IGSF10: variants seen among roughly 807,000 people sequenced by gnomAD.
IGSF10 encodes the protein calvaria mechanical force protein 608.
A neutral mutation model predicts 128.2 loss-of-function variants in IGSF10; 126 were observed. The observed-to-expected ratio is 0.98, with a 90% CI of 0.85 to 1.14. The LOEUF (loss-of-function observed/expected upper bound fraction) is 1.14, where lower values mean the gene tolerates loss of function less well. Among genes scored for constraint, IGSF10 ranks in the 50% most tolerant of loss-of-function variants. The pLI is 0.00. For missense variants in IGSF10, 3,295 were observed against 3,149.8 expected, an observed-to-expected ratio of 1.05 and a Z score of -1.10; for synonymous variants, 1,185 against 1,146.2, an observed-to-expected ratio of 1.03 and a Z score of -0.68.
chr3:151,447,409 CTG>C lies in IGSF10; in HGVS notation c.2570_2571del (p.Thr857ArgfsTer9), dbSNP rs1236111019. 6.2e-7 allele frequency: 1 copy of C among 1,613,964 alleles called. No individual in the cohort carries two copies. Among genetic ancestry groups the C allele is most frequent in the Non-Finnish European group, 8.5e-7 (1 of 1,179,990 alleles). ...TTAATAGCAGTAGACAGTTTGAAATCTGTGGGTTCTTCAGGTGGTAGTATTTG... is the reference window on the plus strand; with the variant it reads ...TTAATAGCAGTAGACAGTTTGAAATCTGGGTTCTTCAGGTGGTAGTATTTG... ...NSQILPPEEPTDFKLSTAIKT... is the reference protein window; with the variant it reads ...NSQILPPEEPXDFKLSTAIKT... On this transcript the variant is annotated frameshift_variant, in exon 6 of 8. Transcript: ENST00000282466. LOFTEE classifies it high-confidence loss of function.
the IGSF10 span, among the ~76,000 whole-genome samples, chr3:151,534,078 A>G: frequency 6.6e-6 from 1 of 152,264 alleles, no homozygotes; most frequent in African/African-American, 2.4e-5. Flanking sequence ...ACTGGTCATT[A>G]GAGAAATGCA....
In IGSF10 at chr3:151,437,291, C is replaced by T. The variant is rs750226083; in HGVS notation, c.7270G>A (p.Val2424Ile). 5 of 1,614,154 alleles carry T rather than the reference C, an allele frequency of 3.1e-6. No individual in the cohort carries two copies. The highest frequency in any genetic ancestry group is 2.2e-5 in the South Asian group (2 of 91,082). ...RNKVGYIEKL[V>I]ILEIGQKPVI... ...GGCTTCTGGCCAATTTCTAATATGA[C>T]TAATTTCTCAATATAGCCAACTTTA... is the stretch of plus-strand genomic sequence containing the variant. The change falls in exon 8 of 8, where the codon GTC (valine) becomes ATC (isoleucine). Residue 2424 changes from valine to isoleucine, a missense_variant. Physicochemically the swap from Val to Ile is conservative, Grantham distance 29. Transcript: ENST00000282466.
At position 151,447,667 on chromosome 3, in the gene IGSF10, G is replaced by T; in HGVS notation, c.2314C>A (p.Arg772=). 6.2e-7 allele frequency: 1 copy of T among 1,614,086 alleles called. No homozygotes were observed. Among genetic ancestry groups the T allele is most frequent in the Non-Finnish European group, 8.5e-7 (1 of 1,180,026 alleles). The part of the protein sequence containing the change: ...KAKKNAMPDK[R]ENTTVSPPPV... ...GGTGGGCTCACTGTGGTATTTTCTCGCTTGTCTGGCATAGCATTCTTTTTA... is the reference window on the plus strand; with the variant it reads ...GGTGGGCTCACTGTGGTATTTTCTCTCTTGTCTGGCATAGCATTCTTTTTA... The change falls in exon 6 of 8, where the codon CGA becomes AGA. Residue 772 remains arginine (R), a synonymous_variant. Coordinates refer to ENST00000282466, the MANE Select transcript of IGSF10 (RefSeq NM_178822.5).
the IGSF10 span, among the ~76,000 whole-genome samples, chr3:151,483,399 T>C: frequency 6.6e-6 from 1 of 152,144 alleles, no homozygotes; most frequent in Non-Finnish European, 1.5e-5. Flanking sequence ...GTAAGCTTCA[T>C]AGTAACCACA....
chr3:151,578,756 C>T, the IGSF10 span, among the ~76,000 whole-genome samples: 3 of 152,084 alleles, frequency 2.0e-5, no homozygotes, highest in Admixed American at 1.3e-4. Context: ...CCCATTGGAG[C>T]TAGGAGAAGA....
chr3:151,614,420 C>T, the IGSF10 span, among the ~76,000 whole-genome samples: 2 of 152,180 alleles, frequency 1.3e-5, no homozygotes, highest in African/African-American at 2.4e-5. Flanking sequence ...TGGAACCAAC[C>T]TAAATGTCCA....
chr3:151,564,433 C>T, the IGSF10 span, among the ~76,000 whole-genome samples: 1 of 152,092 alleles, frequency 6.6e-6, no homozygotes, highest in African/African-American at 2.4e-5. Context: ...TTCCTTCCTT[C>T]CTCTCTTTGT....
chr3:151,612,779 T>C, the IGSF10 span, among the ~76,000 whole-genome samples: 141 of 152,178 alleles, frequency 9.3e-4, 1 homozygote, highest in African/African-American at 3.1e-3. Context: ...CATCAAGACA[T>C]AGAAATTTGT....
Position 151,446,366 on chromosome 3 carries a change from C to A in IGSF10, c.3615G>T (p.Trp1205Cys), listed in dbSNP as rs2108550834. ...TATGGTTATTTACAAAGTTCTGTTG[C>A]CAGGGAATTTTCCTTCTTGAAAACC... ...ITRFSRRKIP[W>C]QQNFVNNHNP... The change falls in exon 6 of 8, where the codon TGG (tryptophan) becomes TGT (cysteine). Residue 1205 changes from tryptophan to cysteine, a missense_variant. By Grantham distance (215) the Trp-to-Cys change is radical. Transcript: ENST00000282466. 6.2e-7 allele frequency: 1 copy of A among 1,612,956 alleles called. No homozygotes were observed. The highest frequency in any genetic ancestry group is 8.5e-7 in the Non-Finnish European group (1 of 1,179,114).
At chr3:151,462,652 A>G (rs925099530), upstream of IGSF10, among the ~76,000 whole-genome samples, 14 of 152,214 alleles carry the variant, frequency 9.2e-5, no homozygotes, top group Admixed American at 2.0e-4. Context: ...GTTTAACCAT[A>G]AAGTTGTGGC....
At chr3:151,467,623 G>T in the IGSF10 span, among the ~76,000 whole-genome samples, 4 of 152,008 alleles carry the variant, frequency 2.6e-5, no homozygotes, top group African/African-American at 9.7e-5. Context: ...GGTGGCTCAC[G>T]CCTGTAATCC....
At chr3:151,500,412 G>A in the IGSF10 span, among the ~76,000 whole-genome samples, 5 of 152,022 alleles carry the variant, frequency 3.3e-5, no homozygotes, top group African/African-American at 9.7e-5. Context: ...AATTTCACAT[G>A]GGGATATCTT....
chr3:151,578,550 GATTGCTC>G, the IGSF10 span, among the ~76,000 whole-genome samples: 1 of 152,188 alleles, frequency 6.6e-6, no homozygotes, highest in South Asian at 2.1e-4. Context: ...GGACCTCATT[GATTGCTC>G]ATGAGAATGA....
chr3:151,550,708 G>A, the IGSF10 span, among the ~76,000 whole-genome samples: 510 of 152,030 alleles, frequency 3.4e-3, 4 homozygotes, highest in African/African-American at 0.011. Flanking sequence ...GTCTGACCAT[G>A]CCCTGAGCCA....
At chr3:151,504,730 TG>T in the IGSF10 span, among the ~76,000 whole-genome samples, 1 of 152,228 alleles carries the variant, frequency 6.6e-6, no homozygotes, top group Non-Finnish European at 1.5e-5. Flanking sequence ...GTATACAGAC[TG>T]TAGTCTACTC....
chr3:151,461,259 G>A (rs1308796536), upstream of IGSF10: 1 of 985,320 alleles, frequency 1.0e-6, no homozygotes, highest in Non-Finnish European at 1.2e-6. Context: ...TGGCTGGGTG[G>A]CAGAGCAGTT....
At chr3:151,541,495 A>G in the IGSF10 span, among the ~76,000 whole-genome samples, 4 of 152,226 alleles carry the variant, frequency 2.6e-5, no homozygotes, top group African/African-American at 4.8e-5. Context: ...ATTTAAACAC[A>G]TTACTGAGTA....
At chr3:151,455,974 A>G (rs1433515043) in intron 4 of IGSF10, among the ~76,000 whole-genome samples, 1 of 152,222 alleles carries the variant, frequency 6.6e-6, no homozygotes, top group Non-Finnish European at 1.5e-5. Context: ...GACCCCTAAT[A>G]AGAAAAGAAA....
At chr3:151,578,244 A>G in the IGSF10 span, among the ~76,000 whole-genome samples, 2 of 152,214 alleles carry the variant, frequency 1.3e-5, no homozygotes, top group Non-Finnish European at 2.9e-5. Flanking sequence ...GGGTAAGTGT[A>G]AGACAAGGAT....
Sources: gnomAD v4.1 joint callset for allele counts (sites outside exome capture counted in the v4.1 genomes callset) on GRCh38, gnomAD v4.1.1 for gene constraint, MANE v1.5 for transcripts, NCBI Gene and HGNC (gene_info 2026-07-23, HGNC 2026-07-21) for gene names.